LCT: variants seen among roughly 807,000 people sequenced by gnomAD.
LCT encodes lactase.
LCT carries 90 observed loss-of-function variants against 173.0 expected under a neutral mutation model. The ratio of observed to expected loss-of-function variants is 0.52; its 90% confidence interval spans 0.44 to 0.62. The LOEUF (loss-of-function observed/expected upper bound fraction) is 0.62, where lower values mean the gene tolerates loss of function less well. Among genes scored for constraint, LCT ranks in the 20% least tolerant of loss-of-function variants. LCT has a pLI of 0.00. For synonymous variants in LCT, 853 were observed against 957.6 expected, an observed-to-expected ratio of 0.89 and a Z score of 2.02; for missense variants, 1,864 against 2,431.4, an observed-to-expected ratio of 0.77 and a Z score of 4.91.
chr2:135,796,803 G>C lies in LCT; in HGVS notation c.4976+1226C>G, dbSNP rs569858093. Among the ~76,000 whole-genome samples, 34 of 152,154 alleles carry C rather than the reference G, an allele frequency of 2.2e-4. 1 individual carries two copies. Among genetic ancestry groups the C allele is most frequent in the Admixed American group, 4.6e-4 (7 of 15,282 alleles). On this transcript the variant is annotated intron_variant, in intron 13 of 16. Coordinates refer to ENST00000264162, the MANE Select transcript of LCT (RefSeq NM_002299.4). ...TGGCTCGGGCAAATGGTAGGTGCTCGGCAAAGTTGTGCAGATGGGCCGGGC... is the reference window on the plus strand; with the variant it reads ...TGGCTCGGGCAAATGGTAGGTGCTCCGCAAAGTTGTGCAGATGGGCCGGGC...
intron 3 of LCT, among the ~76,000 whole-genome samples, chr2:135,825,355 G>A (rs140478844): frequency 0.011 from 1,624 of 152,338 alleles, 24 homozygotes; most frequent in South Asian, 0.02. Flanking sequence ...TGCGCAGTTA[G>A]TGGAGCTGTG....
chr2:135,807,365 C>G lies in LCT; in HGVS notation c.3936G>C (p.Gly1312=). ...TGTCCATCAGAGACCAGGCGACATA[C>G]CCTCGAAGGTCTATACCATCGAGCC... ...AYRLDGIDLR[G]YVAWSLMDNF... Residue 1312 remains glycine (G), a synonymous_variant, in exon 9 of 17, where the codon GGG becomes GGC. Coordinates refer to ENST00000264162, the MANE Select transcript of LCT (RefSeq NM_002299.4). The G allele has an allele frequency of 6.2e-7, 1 of 1,614,150 alleles. No homozygotes were observed. Among genetic ancestry groups the G allele is most frequent in the Non-Finnish European group, 8.5e-7 (1 of 1,180,018 alleles).
At chr2:135,811,799 G>A (rs1053228030) in intron 7 of LCT, among the ~76,000 whole-genome samples, 9 of 152,008 alleles carry the variant, frequency 5.9e-5, no homozygotes, top group Admixed American at 5.9e-4. Context: ...AAGGACACTG[G>A]GTCAGGCATG....
chr2:135,834,462 A>G (rs1036793738), intron 1 of LCT, among the ~76,000 whole-genome samples: 12 of 148,200 alleles, frequency 8.1e-5, no homozygotes, highest in Middle Eastern at 3.5e-3. Context: ...TGGGATTACA[A>G]GCGTGAACCA....
At chr2:135,808,151 C>A (rs2077693126) in intron 8 of LCT, among the ~76,000 whole-genome samples, 1 of 152,110 alleles carries the variant, frequency 6.6e-6, no homozygotes, top group Non-Finnish European at 1.5e-5. Flanking sequence ...TTCCCAGCAC[C>A]TAAAATAGAA....
At chr2:135,817,121 T>C (rs560797987) in intron 6 of LCT, among the ~76,000 whole-genome samples, 111 of 152,288 alleles carry the variant, frequency 7.3e-4, no homozygotes, top group Admixed American at 2.7e-3. Context: ...TCTGCCTGCC[T>C]TGGCCTCCCA....
chr2:135,788,465 C>G lies in LCT; in HGVS notation c.5643G>C (p.Gln1881His). 1 of 1,613,622 alleles carries G rather than the reference C, an allele frequency of 6.2e-7. No individual in the cohort carries two copies. The highest frequency in any genetic ancestry group is 8.5e-7 in the Non-Finnish European group (1 of 1,179,960). The change falls in exon 17 of 17, where the codon CAG (glutamine) becomes CAC (histidine). Residue 1881 changes from glutamine (Q) to histidine (H), a missense_variant. Around this residue, in one of 4 missense-constraint regions of LCT, gnomAD observed 514 missense variants for 750.1 expected, o/e 0.69. Coordinates refer to ENST00000264162, the MANE Select transcript of LCT (RefSeq NM_002299.4). ...LGLMLGTTEA[Q>H]TALYVLFSLV... ...GAGAAAAGAGAACGTACAAAGCTGT[C>G]TGTGCTTCTGTGGTGCCGAGCATTA...
intron 9 of LCT, among the ~76,000 whole-genome samples, chr2:135,806,227 C>T (rs975330289): frequency 2.0e-5 from 3 of 152,028 alleles, no homozygotes; most frequent in East Asian, 1.9e-4. Flanking sequence ...TCGTCTCGAG[C>T]GATCCTCCCA....
intron 11 of LCT, among the ~76,000 whole-genome samples, chr2:135,802,594 G>A (rs1575335322): frequency 6.6e-6 from 1 of 152,222 alleles, no homozygotes; most frequent in Admixed American, 6.5e-5. Context: ...ATTATGTAAA[G>A]TGAAATAAGT....
intron 15 of LCT, 118 bp from the exon 16 acceptor site, chr2:135,789,916 A>G: frequency 3.6e-6 from 3 of 823,036 alleles, no homozygotes; most frequent in Non-Finnish European, 6.4e-6. Context: ...GATGGCGGTA[A>G]GCTTTGGCTT....
intron 1 of LCT, among the ~76,000 whole-genome samples, chr2:135,835,526 A>ATATT (rs2077980963): frequency 8.4e-6 from 1 of 118,688 alleles, no homozygotes; most frequent in Non-Finnish European, 1.7e-5. Context: ...ATATATATAT[A>ATATT]TATATCAGGT....
chr2:135,794,500 G>T, intron 14 of LCT, 141 bp downstream of exon 14: 1 of 850,938 alleles, frequency 1.2e-6, no homozygotes, highest in Non-Finnish European at 2.0e-6. Flanking sequence ...GGATCTGTGG[G>T]GTGGCGAGCA....
At chr2:135,788,669 G>T in intron 16 of LCT, 125 bp from the exon 17 acceptor site, 1 of 729,718 alleles carries the variant, frequency 1.4e-6, no homozygotes, top group Non-Finnish European at 2.5e-6. Context: ...ATGCCGAGGT[G>T]GAGGTACCCA....
At chr2:135,806,786 C>G (rs1264674427) in intron 9 of LCT, among the ~76,000 whole-genome samples, 1 of 152,226 alleles carries the variant, frequency 6.6e-6, no homozygotes, top group Non-Finnish European at 1.5e-5. Flanking sequence ...CAACTATGAA[C>G]TCACCTAACA....
At chr2:135,799,718 G>A (rs1469144974) in intron 12 of LCT, among the ~76,000 whole-genome samples, 2 of 152,222 alleles carry the variant, frequency 1.3e-5, no homozygotes, top group Non-Finnish European at 2.9e-5. Context: ...CCAAAGTGCT[G>A]GGATTACAGG....
chr2:135,821,415 C>T (rs987231332), intron 5 of LCT, among the ~76,000 whole-genome samples: 7 of 152,142 alleles, frequency 4.6e-5, no homozygotes, highest in African/African-American at 1.7e-4. Flanking sequence ...TTCTCTTACT[C>T]ATCATGTAAC....
chr2:135,836,482 T>C (rs1194826468), intron 1 of LCT, 48 bp downstream of exon 1: 2 of 1,558,778 alleles, frequency 1.3e-6, no homozygotes, highest in Non-Finnish European at 1.8e-6. Context: ...GGGGAAGGTG[T>C]GTGATGAAGG....
intron 13 of LCT, among the ~76,000 whole-genome samples, chr2:135,796,941 ATTTTT>A (rs997582132): frequency 8.4e-6 from 1 of 118,756 alleles, no homozygotes; most frequent in Non-Finnish European, 1.7e-5. Context: ...TGGGAGCTGG[ATTTTT>A]TTTTTTTTTT....
intron 4 of LCT, among the ~76,000 whole-genome samples, chr2:135,823,559 T>C (rs969977443): frequency 2.6e-5 from 4 of 152,140 alleles, no homozygotes; most frequent in African/African-American, 9.7e-5. Flanking sequence ...AGGAAAGCCC[T>C]GCCAAGAGGA....
Sources: allele counts gnomAD v4.1 joint callset (sites outside exome capture counted in the v4.1 genomes callset), GRCh38; gene constraint gnomAD v4.1.1; regional missense constraint gnomAD v4.1.1; transcripts MANE v1.5; gene names NCBI Gene and HGNC (gene_info 2026-07-23, HGNC 2026-07-21).